The following MYO5B variants were observed in gnomAD, a reference collection of about 807,000 sequenced individuals.
The protein encoded by MYO5B is myosin VB.
Under a neutral mutation model 229.3 loss-of-function variants are expected in MYO5B, and 143 were observed. That is an observed-to-expected ratio of 0.62 (90% confidence interval 0.54 to 0.72). The LOEUF (loss-of-function observed/expected upper bound fraction) is 0.72. MYO5B is among the 30% of genes least tolerant of loss of function. The pLI is 0.00. For synonymous variants in MYO5B, 918 were observed against 885.2 expected (o/e 1.04, Z -0.66); for missense variants, 2,321 against 2,331.0 (o/e 1.00, Z 0.09).
chr18:49,992,322 G>A lies in MYO5B; in HGVS notation c.722C>T (p.Thr241Ile). ...RYHIIGANMR[T>I]YLLEKSRVVF... ...CACTCTGGACTTCTCCAAGAGGTAA[G>A]TCCTCATGTTGGCCCCGATGATGTG... The change falls in exon 6 of 40, where the codon ACT (threonine) becomes ATT (isoleucine). Residue 241 changes from threonine to isoleucine, a missense_variant. Physicochemically the swap from Thr to Ile is moderately conservative, Grantham distance 89. Around this residue, in one of 2 missense-constraint regions of MYO5B, gnomAD observed 2,113 missense variants for 2,044.7 expected, o/e 1.03. Coordinates refer to ENST00000285039, the MANE Select transcript of MYO5B (RefSeq NM_001080467.3). The A allele has an allele frequency of 6.2e-7, 1 of 1,614,160 alleles. No individual in the cohort carries two copies. Among genetic ancestry groups the A allele is most frequent in the Non-Finnish European group, 8.5e-7 (1 of 1,180,028 alleles).
intron 3 of MYO5B, among the ~76,000 whole-genome samples, chr18:50,039,476 C>T (rs546520682): frequency 9.9e-5 from 15 of 151,942 alleles, no homozygotes; most frequent in Admixed American, 5.9e-4. Context: ...GGACTACAGG[C>T]GCCCGCCACC....
chr18:49,856,020 C>T (rs2024257863), intron 30 of MYO5B, among the ~76,000 whole-genome samples: 1 of 152,230 alleles, frequency 6.6e-6, no homozygotes, highest in Non-Finnish European at 1.5e-5. Flanking sequence ...AGCTATGCCA[C>T]AGCTCTTAAA....
At chr18:50,060,821 T>C (rs1272947084) in intron 1 of MYO5B, among the ~76,000 whole-genome samples, 1 of 152,158 alleles carries the variant, frequency 6.6e-6, no homozygotes. Flanking sequence ...CAAATTCCCA[T>C]TGCCAGGCAA....
chr18:49,875,977 A>T, intron 25 of MYO5B, 150 bp from the exon 26 acceptor site: 1 of 921,610 alleles, frequency 1.1e-6, no homozygotes, highest in South Asian at 1.5e-5. Flanking sequence ...AGCCAATGAC[A>T]ACCAACTAAC....
chr18:50,037,242 C>G (rs1377914046), intron 3 of MYO5B, among the ~76,000 whole-genome samples: 1 of 56,546 alleles, frequency 1.8e-5, no homozygotes, highest in African/African-American at 5.8e-5. Flanking sequence ...CACACTCACT[C>G]ACAAATGCTA....
rs568512218 is a variant in MYO5B at position 49,847,253 on chromosome 18, T to C, written c.4352A>G (p.His1451Arg). The part of the protein sequence containing the change: ...QALAQSERKR[H>R]ELNRQVTVQR... ...GACCGTGACCTGCCTGTTGAGCTCA[T>C]GGCGCTTCCTCTCACTCTGGGCCAA... is the stretch of plus-strand genomic sequence containing the variant. Residue 1451 changes from histidine (H) to arginine (R), a missense_variant, in exon 33 of 40, where the codon CAT (histidine) becomes CGT (arginine). His to Arg is a conservative substitution (Grantham distance 29, BLOSUM62 0). Coordinates refer to ENST00000285039, the MANE Select transcript of MYO5B (RefSeq NM_001080467.3). 5.0e-6 allele frequency: 8 copies of C among 1,613,878 alleles called. No homozygotes were observed. The African/African-American group carries it at 8.0e-5, about 16-fold the overall frequency.
At chr18:49,932,822 C>A (rs1454320760) in intron 16 of MYO5B, among the ~76,000 whole-genome samples, 1 of 152,126 alleles carries the variant, frequency 6.6e-6, no homozygotes, top group Non-Finnish European at 1.5e-5. Flanking sequence ...CTCTCCCCAA[C>A]AGTAAAGAAA....
At chr18:50,075,845 C>T (rs576648144) in intron 1 of MYO5B, among the ~76,000 whole-genome samples, 68 of 152,234 alleles carry the variant, frequency 4.5e-4, no homozygotes, top group Non-Finnish European at 9.1e-4. Context: ...GGCATTCCTT[C>T]CTGCCACCAC....
At chr18:49,845,892 CAG>C (rs1391374620) in intron 33 of MYO5B, among the ~76,000 whole-genome samples, 1 of 152,222 alleles carries the variant, frequency 6.6e-6, no homozygotes, top group Non-Finnish European at 1.5e-5. Context: ...ACAGGTCACA[CAG>C]ACTCCCTCCT....
chr18:50,149,925 C>T (rs1599058855), intron 1 of MYO5B, among the ~76,000 whole-genome samples: 1 of 144,406 alleles, frequency 6.9e-6, no homozygotes, highest in African/African-American at 2.6e-5. Flanking sequence ...ATTTTCACAA[C>T]CTACTCATCT....
intron 1 of MYO5B, among the ~76,000 whole-genome samples, chr18:50,062,559 A>G (rs1486614396): frequency 6.6e-6 from 1 of 152,230 alleles, no homozygotes; most frequent in Non-Finnish European, 1.5e-5. Context: ...CTGTGCTTGC[A>G]CAAAGTGGGA....
chr18:50,050,636 G>A (rs1336508752), intron 2 of MYO5B, among the ~76,000 whole-genome samples: 2 of 152,142 alleles, frequency 1.3e-5, no homozygotes, highest in Admixed American at 6.5e-5. Context: ...AATGCTCAAC[G>A]CCGCTCTGGT....
At chr18:49,841,282 G>A in intron 35 of MYO5B, 83 bp downstream of exon 35, 1 of 1,305,964 alleles carries the variant, frequency 7.7e-7, no homozygotes. Context: ...AGACCCCACT[G>A]ACCTCTGAGG....
In MYO5B at chr18:49,872,201, T is replaced by A. The variant is rs867643879; in HGVS notation, c.3569A>T (p.Asp1190Val). Residue 1190 changes from aspartate to valine, a missense_variant, in exon 27 of 40, where the codon GAC (aspartate) becomes GTC (valine). Coordinates refer to ENST00000285039, the MANE Select transcript of MYO5B (RefSeq NM_001080467.3). ...AEPPQTDIDL[D>V]PNADLAYNSL... is the part of the protein sequence containing the mutation. ...ATTGTAGGCCAGATCTGCATTCGGGTCCAAATCTATGTCAGTCTGTGGTGG... is the reference window on the plus strand; with the variant it reads ...ATTGTAGGCCAGATCTGCATTCGGGACCAAATCTATGTCAGTCTGTGGTGG... The A allele has an allele frequency of 2.5e-6, 4 of 1,613,936 alleles. No homozygotes were observed. The Admixed American group carries it at 5.0e-5, about 20-fold the overall frequency.
chr18:50,192,934 C>T (rs1394385451), intron 1 of MYO5B, among the ~76,000 whole-genome samples: 1 of 152,138 alleles, frequency 6.6e-6, no homozygotes, highest in Non-Finnish European at 1.5e-5. Flanking sequence ...CACAAACTTT[C>T]CCCCTCATAT....
chr18:50,127,538 G>C (rs894301735), intron 1 of MYO5B, among the ~76,000 whole-genome samples: 2 of 152,134 alleles, frequency 1.3e-5, no homozygotes, highest in Non-Finnish European at 2.9e-5. Flanking sequence ...ACAATGGAGG[G>C]GCAGGTACCA....
intron 22 of MYO5B, among the ~76,000 whole-genome samples, 165 bp downstream of exon 22, chr18:49,894,776 A>G (rs2024758094): frequency 6.6e-6 from 1 of 152,224 alleles, no homozygotes; most frequent in African/African-American, 2.4e-5. Context: ...GGGTTTCCCC[A>G]AAGCATGCCA....
chr18:50,160,526 G>A (rs16951609), intron 1 of MYO5B, among the ~76,000 whole-genome samples: 7,102 of 152,240 alleles, frequency 0.047, 199 homozygotes, highest in Non-Finnish European at 0.054. Context: ...CTTCAGAAAA[G>A]GACAGTCCTC....
intron 10 of MYO5B, among the ~76,000 whole-genome samples, chr18:49,971,808 C>T (rs1044372267): frequency 5.9e-5 from 9 of 152,176 alleles, no homozygotes; most frequent in Admixed American, 5.9e-4. Flanking sequence ...AGAGTGTGAA[C>T]TCAGCACTGC....
Sources: gnomAD v4.1 joint callset for allele counts (sites outside exome capture counted in the v4.1 genomes callset) on GRCh38, gnomAD v4.1.1 for gene constraint, gnomAD v4.1.1 regional missense constraint, MANE v1.5 for transcripts, NCBI Gene and HGNC (gene_info 2026-07-23, HGNC 2026-07-21) for gene names.